Variants in CIC observed in about 807,000 individuals in gnomAD.
CIC encodes protein capicua homolog.
CIC carries 18 observed loss-of-function variants against 115.7 expected under a neutral mutation model. That is an observed-to-expected ratio of 0.16 (90% CI 0.11 to 0.23). The LOEUF (loss-of-function observed/expected upper bound fraction) is 0.23. CIC is among the 10% of genes least tolerant of loss of function. The pLI is 1.00. For missense variants in CIC, 2,000 were observed against 2,159.3 expected, an observed-to-expected ratio of 0.93 and a Z score of 1.46; for synonymous variants, 1,076 against 923.0, an observed-to-expected ratio of 1.17 and a Z score of -3.01.
chr19:42,274,363 C>T lies in CIC; in HGVS notation c.2580C>T (p.Pro860=), dbSNP rs1568488206. 2.5e-6 allele frequency: 1 copy of T among 398,746 alleles called. No homozygotes were observed. The highest frequency in any genetic ancestry group is 4.4e-5 in the Admixed American group (1 of 22,740). The allele number at this position is 398,746 out of a possible 1,614,324, so 24.7% of individuals were successfully genotyped here. ...TGGCCAGTGGGAAGCCTGGCCTGCC[C>T]CCACCTCTGCCAGCCCCCGTGCCCA... ...PGVASGKPGL[P]PPLPAPVPIT... The change falls in exon 2 of 21, where the codon CCC becomes CCT. Residue 860 remains proline (P), a synonymous_variant. Coordinates refer to ENST00000681038, the MANE Select transcript of CIC (RefSeq NM_001386298.1).
rs911311070 is a variant in CIC at position 42,293,381 on chromosome 19, G to C, written c.6522+100G>C. ...CCTACTCTTCTTTCCATGCCTGTGT[G>C]TCTCTCAGGTTAAAGGGTCCCCTCT... On this transcript the variant is annotated intron_variant, in intron 16 of 20. Coordinates refer to ENST00000681038, the MANE Select transcript of CIC (RefSeq NM_001386298.1). 5.8e-6 allele frequency: 8 copies of C among 1,385,830 alleles called. 1 individual carries two copies. Among genetic ancestry groups the C allele is most frequent in the East Asian group, 5.0e-5 (2 of 40,114 alleles). The allele number at this position is 1,385,830 out of a possible 1,614,324, so 85.8% of individuals were successfully genotyped here. A position where few individuals can be genotyped will look rare whatever the true frequency, so the allele number is the denominator to read the frequency against.
rs867977501 is a variant in CIC, at chr19:42,280,682, C to T, written c.2795-6089C>T. On this transcript the variant is annotated intron_variant, in intron 2 of 20. Transcript: ENST00000681038. The surrounding 1 kb of genome is among the most constrained non-coding windows in gnomAD (Gnocchi z 4.9). ...CAGGCCGGCCGGGCACCCGTCCGCC[C>T]TCCCTGCACAAAGCGGCTTTGTGGA... 3.3e-5 allele frequency among the ~76,000 whole-genome samples: 5 copies of T among 152,238 alleles called. No homozygotes were observed. Among genetic ancestry groups the T allele is most frequent in the African/African-American group, 1.2e-4 (5 of 41,556 alleles).
At position 42,291,424 on chromosome 19, in the gene CIC, A is replaced by G. The variant is rs754685230; in HGVS notation, c.5383A>G (p.Ile1795Val). Residue 1795 changes from isoleucine to valine, a missense_variant, in exon 11 of 21, where the codon ATC becomes GTC. Physicochemically the swap from Ile to Val is conservative, Grantham distance 29. Coordinates refer to ENST00000681038, the MANE Select transcript of CIC (RefSeq NM_001386298.1). ...GGCTGCCACTGCACCCACTCCTGGC[A>G]TCCCCATCCTGCAGTCTGTACCCTC... ...VLAATAPTPG[I>V]PILQSVPSAP... 5.0e-6 allele frequency: 8 copies of G among 1,612,994 alleles called. No individual in the cohort carries two copies. Among genetic ancestry groups the G allele is most frequent in the Non-Finnish European group, 6.8e-6 (8 of 1,179,968 alleles).
intron 2 of CIC, chr19:42,284,642 G>A: frequency 7.5e-7 from 1 of 1,324,698 alleles, no homozygotes; most frequent in Non-Finnish European, 1.0e-6. Context: ...GCGGGCTGCG[G>A]GCGGAGCGGC....
rs201698284 is a variant in CIC, at chr19:42,293,762, G to T, written c.6693G>T (p.Lys2231Asn). The T allele has an allele frequency of 1.2e-6, 2 of 1,612,858 alleles. No individual in the cohort carries two copies. Among genetic ancestry groups the T allele is most frequent in the Non-Finnish European group, 1.7e-6 (2 of 1,179,784 alleles). ...CAGCCGGGGACACCCCGGAGCGCAA[G>T]GAGGCGGCTGGTACTGGCAAGAAGG... ...GRAAGDTPER[K>N]EAAGTGKKVK... The change falls in exon 17 of 21, where the codon AAG (lysine) becomes AAT (asparagine). Residue 2231 changes from lysine (K) to asparagine (N), a missense_variant. Lys to Asn is a moderately conservative substitution (Grantham distance 94). Transcript: ENST00000681038.
At chr19:42,278,401 C>T (rs1265451324) in intron 2 of CIC, among the ~76,000 whole-genome samples, 2 of 152,240 alleles carry the variant, frequency 1.3e-5, no homozygotes, top group African/African-American at 4.8e-5. Flanking sequence ...TTATCCTTGG[C>T]TTCCTATATC....
At chr19:42,289,494 C>A in intron 9 of CIC, 88 bp downstream of exon 9, 1 of 1,400,284 alleles carries the variant, frequency 7.1e-7, no homozygotes, top group Non-Finnish European at 9.9e-7. Flanking sequence ...GGCCCCTAGG[C>A]CCCTTTGTTT....
intron 2 of CIC, chr19:42,283,935 C>A (rs2037398243): frequency 6.6e-6 from 1 of 150,732 alleles, no homozygotes; most frequent in Admixed American, 6.6e-5. Flanking sequence ...GGGGCCTGAC[C>A]CGCGCGCGGC....
rs2147314205 is a variant in CIC at position 42,292,872 on chromosome 19, T to C, written c.6196+13T>C. On this transcript the variant is annotated intron_variant, in intron 15 of 20. Coordinates refer to ENST00000681038, the MANE Select transcript of CIC (RefSeq NM_001386298.1). ...CCCAGCGCCACAGGTAGGTGTCAGA[T>C]CAACCCAGAGCAGAGTGAGTTGGGG... 1 of 1,613,714 alleles carries C rather than the reference T, an allele frequency of 6.2e-7. No individual in the cohort carries two copies. The highest frequency in any genetic ancestry group is 1.1e-5 in the South Asian group (1 of 91,078).
At chr19:42,284,570 G>C (rs924067563) in intron 2 of CIC, 16 of 310,270 alleles carry the variant, frequency 5.2e-5, no homozygotes, top group East Asian at 2.8e-4. Context: ...GGGGCGGCGG[G>C]GGGGGGGGCA....
intron 7 of CIC, among the ~76,000 whole-genome samples, 172 bp downstream of exon 7, chr19:42,288,147 G>A (rs770937463): frequency 7.2e-5 from 11 of 152,214 alleles, no homozygotes; most frequent in Admixed American, 2.6e-4. Context: ...CGGAGCCAGG[G>A]AGATCCACAC....
Position 42,291,575 on chromosome 19 carries a change from G to A in CIC, c.5443G>A (p.Val1815Met), listed in dbSNP as rs1452685896. 1.2e-6 allele frequency: 2 copies of A among 1,612,798 alleles called. No homozygotes were observed. The highest frequency in any genetic ancestry group is 2.2e-5 in the East Asian group (1 of 44,880). Residue 1815 changes from valine (V) to methionine (M), a missense_variant, in exon 12 of 21, where the codon GTG becomes ATG. Coordinates refer to ENST00000681038, the MANE Select transcript of CIC (RefSeq NM_001386298.1). ...PPPKAQSVSPVQAPPPGGSAQ... is the reference protein window; with the variant it reads ...PPPKAQSVSPMQAPPPGGSAQ... ...ACTTCCAGCCCAGTCAGTTTCTCCC[G>A]TGCAGGCCCCGCCCCCGGGTGGCTC... is the stretch of plus-strand genomic sequence containing the variant.
In CIC at chr19:42,287,323, C is replaced by T. The variant is rs1201832474; in HGVS notation, c.3183C>T (p.Phe1061=). The stretch of plus-strand genomic sequence containing the variant: ...TGTCCCTGCTGCCCCGCCGCAGCTT[C>T]CTCTCCATCATGTCTCCTGAGATCC... The part of the protein sequence containing the change: ...SETESDHDDA[F]LSIMSPEIQL... Residue 1061 remains phenylalanine, a synonymous_variant, in exon 5 of 21, where the codon TTC becomes TTT. Coordinates refer to ENST00000681038, the MANE Select transcript of CIC (RefSeq NM_001386298.1). This position sits in a 1 kb window ranked among gnomAD's most constrained non-coding sequence, Gnocchi z 8.7. 9.3e-6 allele frequency: 15 copies of T among 1,613,996 alleles called. No homozygotes were observed. Among genetic ancestry groups the T allele is most frequent in the Admixed American group, 3.3e-5 (2 of 60,006 alleles).
intron 2 of CIC, among the ~76,000 whole-genome samples, chr19:42,275,930 G>A (rs1462401554): frequency 1.3e-5 from 2 of 152,204 alleles, no homozygotes; most frequent in Admixed American, 6.5e-5. Flanking sequence ...AGGGCTCACA[G>A]CCTCTGGAAA....
Position 42,271,666 on chromosome 19 carries a change from T to C in CIC, c.-10-108T>C, listed in dbSNP as rs1461006028. 7.5e-6 allele frequency: 3 copies of C among 397,626 alleles called. No homozygotes were observed. In the Admixed American group the frequency reaches 1.3e-4, roughly 18 times the overall value. 24.6% of individuals were successfully genotyped at this position (397,626 alleles called of 1,614,324 possible). On this transcript the variant is annotated intron_variant, in intron 1 of 20. Coordinates refer to ENST00000681038, the MANE Select transcript of CIC (RefSeq NM_001386298.1). ...GCAGCCAGAGAGGAGGCCTTGGGGA[T>C]GGTGGGATGGAGACAGTAGACTCAG... is the stretch of plus-strand genomic sequence containing the variant.
intron 17 of CIC, 29 bp from the exon 18 acceptor site, chr19:42,293,906 C>T (rs1254156348): frequency 2.2e-5 from 35 of 1,612,620 alleles, no homozygotes; most frequent in South Asian, 2.0e-4. Context: ...CAGGCTGAGG[C>T]GGGGGAGGTG....
intron 3 of CIC, 23 bp downstream of exon 3, chr19:42,286,943 G>T (rs1374716362): frequency 1.2e-6 from 2 of 1,608,962 alleles, no homozygotes. Context: ...GGGGACTGGG[G>T]GGAGGCAAGG....
At position 42,280,909 on chromosome 19, in the gene CIC, C is replaced by G. The variant is rs1227936979; in HGVS notation, c.2795-5862C>G. On this transcript the variant is annotated intron_variant, in intron 2 of 20. Coordinates refer to ENST00000681038, the MANE Select transcript of CIC (RefSeq NM_001386298.1). This position sits in a 1 kb window ranked among gnomAD's most constrained non-coding sequence, Gnocchi z 4.9. Reference sequence around the variant, plus strand: ...CCTTCCCTTCCCCAAACCCACGTCTCTCAACCCCCCCACCCCCGCATCCCA... The same window carrying G: ...CCTTCCCTTCCCCAAACCCACGTCTGTCAACCCCCCCACCCCCGCATCCCA... Among the ~76,000 whole-genome samples, 1 of 150,480 alleles carries G rather than the reference C, an allele frequency of 6.6e-6. No homozygotes were observed. Among genetic ancestry groups the G allele is most frequent in the Non-Finnish European group, 1.5e-5 (1 of 67,472 alleles).
rs752503838 is a variant in CIC at position 42,290,957 on chromosome 19, C to T, written c.4916C>T (p.Ser1639Leu). Residue 1639 changes from serine to leucine, a missense_variant, in exon 11 of 21, where the codon TCG (serine) becomes TTG (leucine). Physicochemically the swap from Ser to Leu is moderately radical, Grantham distance 145. Transcript: ENST00000681038. ...GSPLGVSLVYSDKKSAAATSP... is the reference protein window; with the variant it reads ...GSPLGVSLVYLDKKSAAATSP... ...CCGCTGGGTGTCAGCTTAGTGTATT[C>T]GGACAAGAAGTCGGCAGCAGCCACC... 1.9e-6 allele frequency: 3 copies of T among 1,613,698 alleles called. No individual in the cohort carries two copies. The highest frequency in any genetic ancestry group is 2.5e-6 in the Non-Finnish European group (3 of 1,180,010).
Sources: allele counts gnomAD v4.1 joint callset (sites outside exome capture counted in the v4.1 genomes callset), GRCh38; gene constraint gnomAD v4.1.1; non-coding constraint Gnocchi (gnomAD v3.1); transcripts MANE v1.5; gene names NCBI Gene and HGNC (gene_info 2026-07-23, HGNC 2026-07-21).